The following TENM1 variants were observed in gnomAD, a reference collection of about 807,000 sequenced individuals.
TENM1 encodes the protein teneurin-1.
A neutral mutation model predicts 174.8 loss-of-function variants in TENM1; 35 were observed. The observed-to-expected ratio is 0.20, with a 90% CI of 0.15 to 0.27. The LOEUF is 0.27. Ranked by LOEUF, TENM1 falls within the 10% of genes least tolerant of loss-of-function variation. The pLI is 1.00. For synonymous variants in TENM1, 781 were observed against 798.7 expected (o/e 0.98, Z 0.37); for missense variants, 1,633 against 2,130.1 (o/e 0.77, Z 4.59).
intron 5 of TENM1, among the ~76,000 whole-genome samples, chrX:124,703,225 G>A (rs890801266): frequency 2.7e-5 from 3 of 111,437 alleles, no homozygotes; most frequent in Non-Finnish European, 5.7e-5. Flanking sequence ...CACCTAATAA[G>A]TGGCAGAGGT....
chrX:124,609,867 T>C, intron 11 of TENM1, among the ~76,000 whole-genome samples: 1 of 111,995 alleles, frequency 8.9e-6, no homozygotes, highest in Non-Finnish European at 1.9e-5. Flanking sequence ...CTATTGCTGT[T>C]AATGTACAGT....
intron 14 of TENM1, among the ~76,000 whole-genome samples, chrX:124,550,911 A>C (rs988171007): frequency 9.0e-6 from 1 of 111,389 alleles, no homozygotes; most frequent in Non-Finnish European, 1.9e-5. Flanking sequence ...GGCACCTGCC[A>C]CCATGCCCAG....
chrX:125,070,174 G>A, the TENM1 span, among the ~76,000 whole-genome samples: 1 of 107,303 alleles, frequency 9.3e-6, no homozygotes, highest in Non-Finnish European at 1.9e-5. Flanking sequence ...CTGGGAGACA[G>A]AGACCCCGTG....
chrX:124,595,897 A>G (rs1176270664), intron 11 of TENM1, among the ~76,000 whole-genome samples: 3 of 112,262 alleles, frequency 2.7e-5, no homozygotes, highest in Non-Finnish European at 3.8e-5. Context: ...AAAGATTAGA[A>G]ATTAATCTGA....
At chrX:124,867,597 G>A (rs1402474265) in intron 3 of TENM1, among the ~76,000 whole-genome samples, 1 of 111,939 alleles carries the variant, frequency 8.9e-6, no homozygotes, top group African/African-American at 3.2e-5. Context: ...TATGTCCACT[G>A]TTACCACTGT....
At chrX:124,730,967 ATATTT>A (rs1372705468) in intron 4 of TENM1, among the ~76,000 whole-genome samples, 1 of 111,629 alleles carries the variant, frequency 9.0e-6, no homozygotes, top group Non-Finnish European at 1.9e-5. Context: ...GGAAGTTATT[ATATTT>A]TATTTTTTTT....
intron 11 of TENM1, among the ~76,000 whole-genome samples, chrX:124,566,254 T>C (rs948769438): frequency 8.9e-6 from 1 of 112,306 alleles, no homozygotes; most frequent in Non-Finnish European, 1.9e-5. Flanking sequence ...CTAACAATAT[T>C]TGCATTTATT....
intron 1 of TENM1, among the ~76,000 whole-genome samples, chrX:124,907,486 C>T (rs2057767639): frequency 8.9e-6 from 1 of 111,897 alleles, no homozygotes; most frequent in African/African-American, 3.2e-5. Context: ...GACACATTTG[C>T]CATTTCCACC....
intron 1 of TENM1, among the ~76,000 whole-genome samples, chrX:124,912,870 G>C (rs908035882): frequency 9.0e-6 from 1 of 110,742 alleles, no homozygotes; most frequent in Non-Finnish European, 1.9e-5. Flanking sequence ...AATTCAAATG[G>C]GCCTTAGGAG....
chrX:124,444,166 G>A (rs2060940680), intron 23 of TENM1, among the ~76,000 whole-genome samples: 1 of 111,634 alleles, frequency 9.0e-6, no homozygotes, highest in Admixed American at 9.6e-5. Context: ...GGCATAGAAG[G>A]CATTCATCAG....
intron 3 of TENM1, among the ~76,000 whole-genome samples, chrX:124,811,768 C>T (rs5956695): frequency 0.22 from 23,795 of 110,440 alleles, 3,199 homozygotes; most frequent in African/African-American, 0.5. Context: ...TCAACCTAAG[C>T]GTACACTAAC....
At chrX:125,050,485 A>G in the TENM1 span, among the ~76,000 whole-genome samples, 1 of 111,309 alleles carries the variant, frequency 9.0e-6, no homozygotes, top group Non-Finnish European at 1.9e-5. Context: ...TACAAAGGAC[A>G]TGAACTCATC....
intron 3 of TENM1, among the ~76,000 whole-genome samples, chrX:124,755,723 T>G (rs1328372877): frequency 1.7e-4 from 19 of 108,960 alleles, no homozygotes; most frequent in African/African-American, 4.4e-4. Context: ...GTCTGTAAAG[T>G]ATTTTATTTC....
chrX:124,487,862 T>C, intron 20 of TENM1, among the ~76,000 whole-genome samples: 1 of 111,994 alleles, frequency 8.9e-6, no homozygotes, highest in East Asian at 2.8e-4. Context: ...GTTGTGCAAA[T>C]TCCTTAGCAA....
chrX:124,974,888 C>CTATATATATATATATATATATATATATA, the TENM1 span, among the ~76,000 whole-genome samples: 40 of 72,741 alleles, frequency 5.5e-4, 2 homozygotes, highest in Non-Finnish European at 8.7e-4. Context: ...GGGACTGACA[C>CTATATATATATATATATATATATATATA]TATATATATA....
At chrX:125,107,673 T>C in the TENM1 span, among the ~76,000 whole-genome samples, 2 of 112,063 alleles carry the variant, frequency 1.8e-5, no homozygotes, top group Non-Finnish European at 1.9e-5. Flanking sequence ...GGCTCTTTGC[T>C]AAATGTTGGC....
At chrX:124,918,580 A>G (rs932721270) in intron 1 of TENM1, among the ~76,000 whole-genome samples, 1 of 111,024 alleles carries the variant, frequency 9.0e-6, no homozygotes. Context: ...AAAAAAAAAA[A>G]AAAAAATACT....
exon 11 of TENM1, chrX:124,641,986 A>G: frequency 8.3e-7 from 1 of 1,209,719 alleles, no homozygotes; most frequent in African/African-American, 1.7e-5. Flanking sequence ...GGGTCTAGGC[A>G]GTCCTCTGAA....
chrX:124,451,012 TG>T (rs1299910405), intron 23 of TENM1, among the ~76,000 whole-genome samples: 1 of 112,099 alleles, frequency 8.9e-6, no homozygotes, highest in Non-Finnish European at 1.9e-5. Context: ...TCCACTTTAG[TG>T]TTTTTGAAAA....
Sources: allele counts gnomAD v4.1 joint callset (sites outside exome capture counted in the v4.1 genomes callset), GRCh38; gene constraint gnomAD v4.1.1; transcripts MANE v1.5; gene names NCBI Gene and HGNC (gene_info 2026-07-23, HGNC 2026-07-21).